ATP9B: variants seen among roughly 807,000 people sequenced by gnomAD.
ATP9B encodes the protein probable phospholipid-transporting ATPase IIB.
ATP9B carries 110 observed loss-of-function variants against 146.1 expected under a neutral mutation model. That is an observed-to-expected ratio of 0.75 (90% CI 0.65 to 0.88). The LOEUF is 0.88. Among genes scored for constraint, ATP9B ranks in the 40% least tolerant of loss-of-function variants. The pLI is 0.00. For missense variants in ATP9B, 1,499 were observed against 1,496.4 expected, an observed-to-expected ratio of 1.00 and a Z score of -0.03; for synonymous variants, 604 against 569.7, an observed-to-expected ratio of 1.06 and a Z score of -0.86.
chr18:79,119,186 T>G (rs867681846), intron 4 of ATP9B, among the ~76,000 whole-genome samples: 6 of 152,192 alleles, frequency 3.9e-5, no homozygotes, highest in Non-Finnish European at 7.3e-5. Flanking sequence ...TATATATATT[T>G]TGCTTCAGCC....
intron 12 of ATP9B, among the ~76,000 whole-genome samples, chr18:79,275,179 A>C (rs886863045): frequency 2.6e-5 from 4 of 152,244 alleles, no homozygotes; most frequent in African/African-American, 9.6e-5. Context: ...AATCAGAGCC[A>C]TGAATAGCGT....
At chr18:79,163,645 A>G (rs150716395) in intron 7 of ATP9B, among the ~76,000 whole-genome samples, 4,802 of 151,226 alleles carry the variant, frequency 0.032, 113 homozygotes, top group Non-Finnish European at 0.042. Context: ...ACTGCTTCTT[A>G]GTTGAAACCA....
intron 1 of ATP9B, among the ~76,000 whole-genome samples, chr18:79,072,008 T>C (rs2071904092): frequency 6.6e-6 from 1 of 151,966 alleles, no homozygotes; most frequent in South Asian, 2.1e-4. Context: ...TTCTCTCCAT[T>C]TGGATTTCCA....
intron 20 of ATP9B, 70 bp downstream of exon 20, chr18:79,342,436 G>A: frequency 2.8e-6 from 3 of 1,056,532 alleles, no homozygotes; most frequent in Non-Finnish European, 4.2e-6. Flanking sequence ...TATTGTTTTT[G>A]TCAGAATATA....
At position 79,076,904 on chromosome 18, in the gene ATP9B, G is replaced by A. The variant is rs538937106; in HGVS notation, c.119+7375G>A. On this transcript the variant is annotated intron_variant, in intron 1 of 29. Coordinates refer to ENST00000426216, the MANE Select transcript of ATP9B (RefSeq NM_198531.5). The stretch of plus-strand genomic sequence containing the variant: ...AAAGTTCACTGATTTTTTCTTCCTC[G>A]TTTTTTTAGTTTTACTGTTGAGCCC... Among the ~76,000 whole-genome samples the A allele has an allele frequency of 6.6e-5, 10 of 151,808 alleles. No homozygotes were observed. In the East Asian group the frequency reaches 9.7e-4, roughly 15 times the overall value.
chr18:79,153,081 A>G (rs927935687), intron 6 of ATP9B, among the ~76,000 whole-genome samples: 1 of 152,184 alleles, frequency 6.6e-6, no homozygotes, highest in Admixed American at 6.5e-5. Context: ...AGTGTTAGAA[A>G]GAAATAGCTC....
Position 79,342,213 on chromosome 18 carries a change from A to C in ATP9B, c.2284-55A>C, listed in dbSNP as rs532907712. Reference sequence around the variant, plus strand: ...GCTGTTGTGAATTATGTGAGACATCAGAAATGAACGTGTCCTTGTCTTGTT... The same window carrying C: ...GCTGTTGTGAATTATGTGAGACATCCGAAATGAACGTGTCCTTGTCTTGTT... On this transcript the variant is annotated intron_variant, in intron 19 of 29. Coordinates refer to ENST00000426216, the MANE Select transcript of ATP9B (RefSeq NM_198531.5). 6.6e-6 allele frequency: 9 copies of C among 1,372,814 alleles called. No individual in the cohort carries two copies. In the African/African-American group the frequency reaches 7.1e-5, roughly 11 times the overall value. 85.0% of individuals were successfully genotyped at this position (1,372,814 alleles called of 1,614,324 possible).
In ATP9B at chr18:79,337,686, T is replaced by C. The variant is rs74453642; in HGVS notation, c.2283+237T>C. 9.8e-3 allele frequency among the ~76,000 whole-genome samples: 1,490 copies of C among 152,278 alleles called. 17 individuals carry two copies. Among genetic ancestry groups the C allele is most frequent in the Non-Finnish European group, 0.013 (877 of 68,018 alleles). On this transcript the variant is annotated intron_variant, in intron 19 of 29. Coordinates refer to ENST00000426216, the MANE Select transcript of ATP9B (RefSeq NM_198531.5). The stretch of plus-strand genomic sequence containing the variant: ...TCTCTACACCTCTTCCCTCTCTGGA[T>C]ACCCCAGCCTTTCTAAAGAGGAGTC...
chr18:79,325,237 G>A (rs1317843333), intron 15 of ATP9B, among the ~76,000 whole-genome samples: 2 of 152,158 alleles, frequency 1.3e-5, no homozygotes, highest in African/African-American at 2.4e-5. Context: ...CTGGGATGCA[G>A]ATGAAGAACT....
intron 15 of ATP9B, among the ~76,000 whole-genome samples, chr18:79,326,020 T>C (rs71366518): frequency 2.7e-5 from 3 of 109,884 alleles, no homozygotes; most frequent in South Asian, 3.4e-4. Flanking sequence ...CCTCCCGTCA[T>C]ATAGTGTTAG....
chr18:79,259,278 T>C (rs2096115984), intron 12 of ATP9B, among the ~76,000 whole-genome samples: 1 of 152,268 alleles, frequency 6.6e-6, no homozygotes, highest in Non-Finnish European at 1.5e-5. Context: ...ATCAGAATTC[T>C]GTATTCATTT....
chr18:79,150,796 C>T (rs1599932169), intron 6 of ATP9B, among the ~76,000 whole-genome samples: 1 of 152,010 alleles, frequency 6.6e-6, no homozygotes, highest in East Asian at 1.9e-4. Flanking sequence ...TTGAGACGAG[C>T]CTGGACAACA....
At chr18:79,112,354 A>G (rs769843742) in intron 3 of ATP9B, among the ~76,000 whole-genome samples, 2 of 152,176 alleles carry the variant, frequency 1.3e-5, no homozygotes, top group African/African-American at 4.8e-5. Flanking sequence ...TTGATTTTCA[A>G]TGTAAATCTA....
intron 11 of ATP9B, among the ~76,000 whole-genome samples, chr18:79,234,267 A>T (rs2095818463): frequency 1.3e-5 from 2 of 152,222 alleles, no homozygotes; most frequent in African/African-American, 2.4e-5. Context: ...AACTTTATGA[A>T]AGGAAAAACT....
chr18:79,230,175 A>G (rs1034804792), intron 11 of ATP9B, among the ~76,000 whole-genome samples: 9 of 152,242 alleles, frequency 5.9e-5, no homozygotes, highest in East Asian at 3.8e-4. Flanking sequence ...TTAGTTTTCA[A>G]TAATAAAATG....
intron 9 of ATP9B, among the ~76,000 whole-genome samples, chr18:79,197,542 T>A (rs7236253): frequency 0.14 from 21,842 of 151,956 alleles, 1,738 homozygotes; most frequent in African/African-American, 0.2. Flanking sequence ...GTAAGTTTTT[T>A]AAAAAATACT....
At chr18:79,240,944 A>G (rs2095881910) in intron 11 of ATP9B, among the ~76,000 whole-genome samples, 1 of 152,096 alleles carries the variant, frequency 6.6e-6, no homozygotes, top group African/African-American at 2.4e-5. Flanking sequence ...TTGACCAAAC[A>G]CCTAACCTCC....
At chr18:79,359,522 C>T (rs772660536) in intron 26 of ATP9B, 60 bp downstream of exon 26, 11 of 1,322,862 alleles carry the variant, frequency 8.3e-6, no homozygotes, top group South Asian at 1.2e-5. Context: ...GCATTTTACA[C>T]GAGTGAGAAA....
At chr18:79,218,722 C>G (rs528381719) in intron 11 of ATP9B, among the ~76,000 whole-genome samples, 2 of 152,308 alleles carry the variant, frequency 1.3e-5, no homozygotes, top group East Asian at 3.9e-4. Flanking sequence ...ATTTCCATGA[C>G]CACTGGGATA....
Sources: allele counts gnomAD v4.1 joint callset (sites outside exome capture counted in the v4.1 genomes callset), GRCh38; gene constraint gnomAD v4.1.1; transcripts MANE v1.5; gene names NCBI Gene and HGNC (gene_info 2026-07-23, HGNC 2026-07-21).